The following LARGE1 variants were observed in gnomAD, a reference collection of about 807,000 sequenced individuals.
The protein encoded by LARGE1 is LARGE xylosyl- and glucuronyltransferase 1.
Under a neutral mutation model 87.6 loss-of-function variants are expected in LARGE1, and 43 were observed. That is an observed-to-expected ratio of 0.49 (90% CI 0.38 to 0.63). The LOEUF is 0.63. Ranked by LOEUF, LARGE1 falls within the 30% of genes least tolerant of loss-of-function variation. LARGE1 has a pLI of 0.00. For synonymous variants in LARGE1, 434 were observed against 394.6 expected, an observed-to-expected ratio of 1.10 and a Z score of -1.18; for missense variants, 802 against 1,000.2, an observed-to-expected ratio of 0.80 and a Z score of 2.67.
chr22:33,264,882 T>G (rs1038145641), intron 11 of LARGE1, among the ~76,000 whole-genome samples: 10 of 136,346 alleles, frequency 7.3e-5, no homozygotes, highest in African/African-American at 2.7e-4. Flanking sequence ...TGACATCTGA[T>G]CAAATTCTTT....
At chr22:33,862,118 C>T (rs2063944917) in intron 1 of LARGE1, among the ~76,000 whole-genome samples, 3 of 152,118 alleles carry the variant, frequency 2.0e-5, no homozygotes, top group African/African-American at 7.2e-5. Context: ...GCCTCACCTT[C>T]CCAAAGTGCT....
intron 6 of LARGE1, among the ~76,000 whole-genome samples, chr22:33,519,710 A>G (rs1343902529): frequency 1.3e-5 from 2 of 152,204 alleles, no homozygotes; most frequent in Admixed American, 6.5e-5. Context: ...AAGAGGAAAC[A>G]TAGTATTTTA....
At chr22:33,373,088 G>C (rs1045401957) in intron 9 of LARGE1, among the ~76,000 whole-genome samples, 1 of 152,184 alleles carries the variant, frequency 6.6e-6, no homozygotes, top group Non-Finnish European at 1.5e-5. Context: ...TAAAAGGTCT[G>C]AGTAAGTCAC....
chr22:33,645,133 C>G (rs2080566103), intron 3 of LARGE1, among the ~76,000 whole-genome samples: 1 of 152,154 alleles, frequency 6.6e-6, no homozygotes, highest in Non-Finnish European at 1.5e-5. Context: ...AAGCTGGAGG[C>G]ATTATGCTAC....
At chr22:33,814,998 G>C (rs1230133428) in intron 1 of LARGE1, among the ~76,000 whole-genome samples, 1 of 152,134 alleles carries the variant, frequency 6.6e-6, no homozygotes, top group African/African-American at 2.4e-5. Flanking sequence ...ACTCAACATG[G>C]TATGCTGCTT....
intron 6 of LARGE1, among the ~76,000 whole-genome samples, chr22:33,446,963 G>T (rs7287567): frequency 0.29 from 44,613 of 152,094 alleles, 6,812 homozygotes; most frequent in Non-Finnish European, 0.33. Context: ...GCACCATCTC[G>T]GTTCACTGCA....
At chr22:33,901,341 G>A (rs924803061) in intron 1 of LARGE1, among the ~76,000 whole-genome samples, 5 of 152,158 alleles carry the variant, frequency 3.3e-5, no homozygotes, top group East Asian at 1.9e-4. Flanking sequence ...CATTCAGCAC[G>A]TGGTACATTG....
At chr22:33,651,279 C>T (rs2080802264) in intron 2 of LARGE1, among the ~76,000 whole-genome samples, 1 of 139,288 alleles carries the variant, frequency 7.2e-6, no homozygotes, top group Non-Finnish European at 1.5e-5. Context: ...GTAGTCCCAG[C>T]TACTTGGGAG....
At chr22:33,745,597 C>T (rs906010857) in intron 2 of LARGE1, among the ~76,000 whole-genome samples, 4 of 152,096 alleles carry the variant, frequency 2.6e-5, no homozygotes, top group African/African-American at 7.2e-5. Flanking sequence ...TTTTGAGAAG[C>T]GTTAACTCAC....
chr22:33,332,049 G>C (rs2283889), intron 10 of LARGE1, among the ~76,000 whole-genome samples: 2 of 151,930 alleles, frequency 1.3e-5, no homozygotes, highest in South Asian at 4.1e-4. Context: ...CAAGAGCCGA[G>C]CTTTAATCTG....
intron 1 of LARGE1, among the ~76,000 whole-genome samples, chr22:33,824,495 C>T (rs2062726210): frequency 6.6e-6 from 1 of 151,998 alleles, no homozygotes; most frequent in Non-Finnish European, 1.5e-5. Context: ...AATCACCTCC[C>T]TCCAAGCCCC....
intron 1 of LARGE1, among the ~76,000 whole-genome samples, chr22:33,861,308 C>T (rs2063911768): frequency 6.6e-6 from 1 of 152,118 alleles, no homozygotes; most frequent in Non-Finnish European, 1.5e-5. Context: ...GCATGCCAGC[C>T]TTTGCTAACA....
chr22:33,794,862 C>T lies in LARGE1; in HGVS notation c.-82-33304G>A, dbSNP rs533204789. On this transcript the variant is annotated intron_variant, in intron 1 of 14. Transcript: ENST00000397394. Reference sequence around the variant, plus strand: ...CTTGAACTCCTGATCTCAGGTGATCCGTCTGCCTCCGCCTCCCAAAGTGCT... The same window carrying T: ...CTTGAACTCCTGATCTCAGGTGATCTGTCTGCCTCCGCCTCCCAAAGTGCT... 7.2e-5 allele frequency among the ~76,000 whole-genome samples: 11 copies of T among 152,232 alleles called. No homozygotes were observed. In the East Asian group the frequency reaches 1.9e-3, roughly 27 times the overall value.
chr22:33,258,814 T>C (rs1180779932), intron 11 of LARGE1, among the ~76,000 whole-genome samples: 11 of 152,074 alleles, frequency 7.2e-5, no homozygotes, highest in Non-Finnish European at 4.4e-5. Flanking sequence ...CCCTTTCCTG[T>C]AACAGCAGGA....
At chr22:33,672,144 C>T (rs1018104969) in intron 2 of LARGE1, among the ~76,000 whole-genome samples, 1 of 152,022 alleles carries the variant, frequency 6.6e-6, no homozygotes, top group Non-Finnish European at 1.5e-5. Context: ...AGAAGACCTA[C>T]GAAGAGAGAT....
intron 1 of LARGE1, among the ~76,000 whole-genome samples, chr22:33,822,654 C>T (rs139479039): frequency 2.0e-4 from 31 of 152,184 alleles, no homozygotes; most frequent in African/African-American, 6.5e-4. Flanking sequence ...GCCGAGATCA[C>T]GCCACTGCAT....
At chr22:33,644,373 A>G (rs1394298032) in intron 3 of LARGE1, among the ~76,000 whole-genome samples, 2 of 152,232 alleles carry the variant, frequency 1.3e-5, no homozygotes, top group Non-Finnish European at 1.5e-5. Context: ...TCTTCATGCT[A>G]AAAACACTCA....
chr22:33,222,933 C>G (rs5994702), intron 11 of LARGE1, among the ~76,000 whole-genome samples: 1 of 152,010 alleles, frequency 6.6e-6, no homozygotes, highest in African/African-American at 2.4e-5. Flanking sequence ...GAGTTGCAGG[C>G]CCCCCCAGTC....
chr22:33,353,290 T>C (rs2283894), intron 9 of LARGE1, among the ~76,000 whole-genome samples: 45,456 of 152,150 alleles, frequency 0.3, 7,831 homozygotes, highest in Non-Finnish European at 0.39. Flanking sequence ...AGCTTGACAA[T>C]GTTTCACTGA....
Sources: allele counts gnomAD v4.1 joint callset (sites outside exome capture counted in the v4.1 genomes callset), GRCh38; gene constraint gnomAD v4.1.1; transcripts MANE v1.5; gene names NCBI Gene and HGNC (gene_info 2026-07-23, HGNC 2026-07-21).